DNTT: variants seen among roughly 807,000 people sequenced by gnomAD.
DNTT encodes the protein nucleosidetriphosphate:DNA deoxynucleotidylexotransferase.
In DNTT, 47 loss-of-function variants were observed where a neutral mutation model predicts 60.9. The observed-to-expected ratio is 0.77, with a 90% CI of 0.61 to 0.98. The LOEUF (loss-of-function observed/expected upper bound fraction) is 0.98, where lower values mean the gene tolerates loss of function less well. DNTT is among the 50% of genes least tolerant of loss of function. The pLI, the probability that DNTT is intolerant of heterozygous loss-of-function variation, is 0.00. For missense variants in DNTT, 665 were observed against 627.5 expected, an observed-to-expected ratio of 1.06 and a Z score of -0.64; for synonymous variants, 224 against 221.2, an observed-to-expected ratio of 1.01 and a Z score of -0.11.
chr10:96,308,032 G>A (rs187783710), intron 1 of DNTT, among the ~76,000 whole-genome samples: 104 of 152,088 alleles, frequency 6.8e-4, no homozygotes, highest in African/African-American at 2.1e-3. Flanking sequence ...GTGAGCCACC[G>A]TGCCCAGGCT....
At chr10:96,331,866 C>T (rs1475791686) in intron 8 of DNTT, among the ~76,000 whole-genome samples, 2 of 152,202 alleles carry the variant, frequency 1.3e-5, no homozygotes, top group South Asian at 2.1e-4. Flanking sequence ...AAGCCTCAAC[C>T]TCCCAGGCTC....
rs938100085 is a variant in DNTT, at chr10:96,304,585, A to G, written c.88A>G (p.Ile30Val). 1.9e-6 allele frequency: 3 copies of G among 1,614,158 alleles called. No individual in the cohort carries two copies. Among genetic ancestry groups the G allele is most frequent in the Non-Finnish European group, 2.5e-6 (3 of 1,180,010 alleles). Residue 30 changes from isoleucine (I) to valine (V), a missense_variant, in exon 1 of 11, where the codon ATC becomes GTC. By Grantham distance (29) the Ile-to-Val change is conservative (BLOSUM62 3). Coordinates refer to ENST00000371174, the MANE Select transcript of DNTT (RefSeq NM_004088.4). ...CTTGATGGCCTCCTCTCCTCAAGAC[A>G]TCAAATTTCAAGATTTGGTCGTCTT... ...GALMASSPQD[I>V]KFQDLVVFIL...
chr10:96,328,544 TC>T (rs1844966382), intron 7 of DNTT, among the ~76,000 whole-genome samples, 180 bp from the exon 8 acceptor site: 1 of 152,198 alleles, frequency 6.6e-6, no homozygotes, highest in Admixed American at 6.5e-5. Context: ...TTTTTCTGTG[TC>T]ATAAATTTAT....
At chr10:96,337,568 G>C (rs1328206081) in intron 10 of DNTT, among the ~76,000 whole-genome samples, 1 of 152,190 alleles carries the variant, frequency 6.6e-6, no homozygotes, top group Non-Finnish European at 1.5e-5. Flanking sequence ...CCTTCTATGT[G>C]CCTAGCACCG....
chr10:96,336,108 T>A, intron 10 of DNTT, 134 bp downstream of exon 10: 1 of 855,946 alleles, frequency 1.2e-6, no homozygotes, highest in East Asian at 2.5e-5. Flanking sequence ...CAGTTCATCA[T>A]AGTTGAGGGC....
intron 5 of DNTT, 65 bp from the exon 6 acceptor site, chr10:96,324,201 G>A (rs902985922): frequency 6.4e-7 from 1 of 1,554,426 alleles, no homozygotes; most frequent in East Asian, 2.3e-5. Flanking sequence ...CCTAGAAAGG[G>A]TCATGACTCG....
At chr10:96,337,991 T>A (rs1165295332) in intron 10 of DNTT, 147 bp from the exon 11 acceptor site, 2 of 609,148 alleles carry the variant, frequency 3.3e-6, no homozygotes, top group Non-Finnish European at 5.5e-6. Flanking sequence ...TCAGTTAAAA[T>A]GACTTTTTAT....
At chr10:96,327,729 G>T in intron 7 of DNTT, 129 bp downstream of exon 7, 1 of 1,414,420 alleles carries the variant, frequency 7.1e-7, no homozygotes, top group South Asian at 1.4e-5. Context: ...TTTATCTCCT[G>T]CCTCTCACAT....
At position 96,308,317 on chromosome 10, in the gene DNTT, G is replaced by A. The variant is rs143017212; in HGVS notation, c.203+3617G>A. Among the ~76,000 whole-genome samples, 10 of 152,270 alleles carry A rather than the reference G, an allele frequency of 6.6e-5. No homozygotes were observed. In the East Asian group the frequency reaches 1.3e-3, roughly 21 times the overall value. On this transcript the variant is annotated intron_variant, in intron 1 of 10. Coordinates refer to ENST00000371174, the MANE Select transcript of DNTT (RefSeq NM_004088.4). ...ACATTTATGCTATATTGCAAAATAC[G>A]TGCCATTCAATGTGCCATAGGAAGC... is the stretch of plus-strand genomic sequence containing the variant.
Position 96,313,514 on chromosome 10 carries a change from G to A in DNTT, c.204-4838G>A, listed in dbSNP as rs182060531. On this transcript the variant is annotated intron_variant, in intron 1 of 10. Transcript: ENST00000371174. Reference sequence around the variant, plus strand: ...ACCACAGTCTAGCAGAACGTTAAGAGGTTGCTTGAGTCAGGCACACCTGGG... The same window carrying A: ...ACCACAGTCTAGCAGAACGTTAAGAAGTTGCTTGAGTCAGGCACACCTGGG... 3.3e-3 allele frequency among the ~76,000 whole-genome samples: 503 copies of A among 152,298 alleles called. 3 individuals are homozygous for A. The highest frequency in any genetic ancestry group is 0.017 in the Middle Eastern group (5 of 294).
intron 1 of DNTT, among the ~76,000 whole-genome samples, chr10:96,313,707 A>G (rs934400528): frequency 1.3e-5 from 2 of 152,192 alleles, no homozygotes; most frequent in Non-Finnish European, 2.9e-5. Context: ...TTCTAGTCTG[A>G]TTCCCTTTAT....
In DNTT at chr10:96,335,904, A is replaced by G; in HGVS notation, c.1373A>G (p.Asp458Gly). 1.2e-6 allele frequency: 2 copies of G among 1,614,144 alleles called. No individual in the cohort carries two copies. The highest frequency in any genetic ancestry group is 1.7e-6 in the Non-Finnish European group (2 of 1,180,016). Residue 458 changes from aspartate to glycine, a missense_variant, in exon 10 of 11, where the codon GAC becomes GGC. Transcript: ENST00000371174. ...GWTGSRQFERDLRRYATHERK... is the reference protein window; with the variant it reads ...GWTGSRQFERGLRRYATHERK... ...TCTCCTATCCAGCAGTTTGAGAGAG[A>G]CCTCCGGCGCTATGCCACACATGAG...
rs1845099335 is a variant in DNTT at position 96,338,512 on chromosome 10, T to C, written c.*288T>C. On this transcript the variant is annotated 3_prime_UTR_variant, in exon 11 of 11. Transcript: ENST00000371174. Reference sequence around the variant, plus strand: ...GGGAAGCTCATCAAAGCCCACTTTGTTCGCAGTGTAGCTGAAATACTGTCT... The same window carrying C: ...GGGAAGCTCATCAAAGCCCACTTTGCTCGCAGTGTAGCTGAAATACTGTCT... The C allele has an allele frequency of 4.0e-6, 1 of 251,528 alleles. No homozygotes were observed. Among genetic ancestry groups the C allele is most frequent in the South Asian group, 9.1e-5 (1 of 10,930 alleles). 15.6% of individuals were successfully genotyped at this position (251,528 alleles called of 1,614,324 possible).
intron 7 of DNTT, among the ~76,000 whole-genome samples, 185 bp downstream of exon 7, chr10:96,327,785 G>C (rs550893844): frequency 6.6e-6 from 1 of 152,184 alleles, no homozygotes; most frequent in Admixed American, 6.5e-5. Flanking sequence ...TGCACATTCA[G>C]AGCTGTTTCT....
chr10:96,338,224 G>A lies in DNTT; in HGVS notation c.1530G>A (p.Ter510=). The change falls in exon 11 of 11, where the codon TAG becomes TAA. Residue 510 remains the stop codon, a stop_retained_variant. Transcript: ENST00000371174. The part of the protein sequence containing the change: ...DYIEPWERNA[*] Reference sequence around the variant, plus strand: ...TTGAACCGTGGGAAAGAAATGCCTAGGAAAGTGTTGTCAACATTTTTTTCC... The same window carrying A: ...TTGAACCGTGGGAAAGAAATGCCTAAGAAAGTGTTGTCAACATTTTTTTCC... 1 of 1,603,586 alleles carries A rather than the reference G, an allele frequency of 6.2e-7. No homozygotes were observed. The highest frequency in any genetic ancestry group is 8.5e-7 in the Non-Finnish European group (1 of 1,176,924).
intron 8 of DNTT, among the ~76,000 whole-genome samples, chr10:96,331,692 C>A (rs558038073): frequency 2.0e-5 from 3 of 152,184 alleles, no homozygotes; most frequent in African/African-American, 7.2e-5. Context: ...CAAATTTCTA[C>A]GTGAGATTTA....
At chr10:96,317,793 G>A (rs1187938245) in intron 1 of DNTT, among the ~76,000 whole-genome samples, 3 of 152,194 alleles carry the variant, frequency 2.0e-5, no homozygotes, top group Non-Finnish European at 4.4e-5. Context: ...AGAACTGTGA[G>A]CAATAAGTTT....
At chr10:96,328,154 G>C (rs1262739517) in intron 7 of DNTT, among the ~76,000 whole-genome samples, 1 of 152,200 alleles carries the variant, frequency 6.6e-6, no homozygotes, top group Non-Finnish European at 1.5e-5. Flanking sequence ...ATGAATGAGT[G>C]AACGCTTCAC....
intron 7 of DNTT, among the ~76,000 whole-genome samples, chr10:96,328,476 T>C (rs1041714246): frequency 3.3e-5 from 5 of 152,172 alleles, no homozygotes; most frequent in South Asian, 2.1e-4. Context: ...GTAGAATAAA[T>C]AATTTTTTTG....
Sources: gnomAD v4.1 joint callset for allele counts (sites outside exome capture counted in the v4.1 genomes callset) on GRCh38, gnomAD v4.1.1 for gene constraint, MANE v1.5 for transcripts, NCBI Gene and HGNC (gene_info 2026-07-23, HGNC 2026-07-21) for gene names.